VPS50: variants seen among roughly 807,000 people sequenced by gnomAD.
VPS50 encodes syndetin.
In VPS50, 70 loss-of-function variants were observed where a neutral mutation model predicts 139.7. That is an observed-to-expected ratio of 0.50 (90% confidence interval 0.41 to 0.61). The LOEUF (loss-of-function observed/expected upper bound fraction) is 0.61. Ranked by LOEUF, VPS50 falls within the 20% of genes least tolerant of loss-of-function variation. The pLI is 0.00. For synonymous variants in VPS50, 365 were observed against 376.7 expected, an observed-to-expected ratio of 0.97 and a Z score of 0.36; for missense variants, 921 against 1,133.7, an observed-to-expected ratio of 0.81 and a Z score of 2.69.
chr7:93,309,034 A>T, intron 19 of VPS50, 92 bp downstream of exon 19: 1 of 585,040 alleles, frequency 1.7e-6, no homozygotes, highest in Non-Finnish European at 2.9e-6. Flanking sequence ...AACAAAAATT[A>T]TTTTTTTTGG....
At chr7:93,239,836 A>G in intron 1 of VPS50, 30 bp from the exon 2 acceptor site, 1 of 1,332,988 alleles carries the variant, frequency 7.5e-7, no homozygotes, top group Non-Finnish European at 1.1e-6. Context: ...AGCATGATTA[A>G]AATTTTCCTC....
intron 8 of VPS50, 61 bp downstream of exon 8, chr7:93,258,453 C>A: frequency 3.1e-6 from 4 of 1,303,536 alleles, no homozygotes; most frequent in Non-Finnish European, 4.4e-6. Context: ...GTAAAGCAGA[C>A]AAAATTCAGA....
At position 93,278,575 on chromosome 7, in the gene VPS50, C is replaced by T. The variant is rs1041577133; in HGVS notation, c.942+2270C>T. On this transcript the variant is annotated intron_variant, in intron 12 of 27. Transcript: ENST00000305866. The stretch of plus-strand genomic sequence containing the variant: ...TCACACCACTGCACTCCAGCCTGGG[C>T]GACAGACTCTGTCTCAAAAAAAAAA... Among the ~76,000 whole-genome samples, 7 of 126,932 alleles carry T rather than the reference C, an allele frequency of 5.5e-5. No homozygotes were observed. In the South Asian group the frequency reaches 1.2e-3, roughly 22 times the overall value. The allele number at this position is 126,932 out of a possible 152,430, so 83.3% of individuals were successfully genotyped here.
chr7:93,303,774 T>C (rs1289396965), intron 17 of VPS50, among the ~76,000 whole-genome samples: 4 of 151,958 alleles, frequency 2.6e-5, no homozygotes, highest in Admixed American at 2.6e-4. Context: ...TTTACATACT[T>C]TAGGAAATCT....
chr7:93,353,436 C>A (rs1798612690), intron 25 of VPS50, among the ~76,000 whole-genome samples: 1 of 152,190 alleles, frequency 6.6e-6, no homozygotes, highest in South Asian at 2.1e-4. Flanking sequence ...GTACTCTGTA[C>A]TATAACATAA....
chr7:93,295,843 G>A (rs1796793208), intron 14 of VPS50, among the ~76,000 whole-genome samples: 2 of 151,994 alleles, frequency 1.3e-5, no homozygotes, highest in Admixed American at 6.6e-5. Flanking sequence ...TTCTGCCTCA[G>A]CCTCCTGAGT....
intron 25 of VPS50, 131 bp downstream of exon 25, chr7:93,350,164 G>A (rs1562900914): frequency 1.8e-6 from 1 of 541,028 alleles, no homozygotes; most frequent in Non-Finnish European, 3.1e-6. Context: ...TAAAGCCCCT[G>A]AATTGAAATA....
At chr7:93,271,121 T>C (rs1795993229) in intron 9 of VPS50, 99 bp from the exon 10 acceptor site, 1 of 1,476,286 alleles carries the variant, frequency 6.8e-7, no homozygotes, top group South Asian at 1.4e-5. Flanking sequence ...ATACTCTTAA[T>C]CTTTGAATTT....
In VPS50 at chr7:93,327,713, G is replaced by A. The variant is rs544706696; in HGVS notation, c.1977+3981G>A. Among the ~76,000 whole-genome samples, 7 of 152,154 alleles carry A rather than the reference G, an allele frequency of 4.6e-5. No homozygotes were observed. In the Middle Eastern group the frequency reaches 0.01, roughly 222 times the overall value. On this transcript the variant is annotated intron_variant, in intron 21 of 27. Transcript: ENST00000305866. Reference sequence around the variant, plus strand: ...ACTGAAGTGGTAGTTTTTAATTTCCGAAGAGAATAAGCTTTTCAGGCCCAT... The same window carrying A: ...ACTGAAGTGGTAGTTTTTAATTTCCAAAGAGAATAAGCTTTTCAGGCCCAT...
intron 11 of VPS50, chr7:93,273,631 A>C (rs1166137558): frequency 6.6e-6 from 1 of 152,126 alleles, no homozygotes; most frequent in African/African-American, 2.4e-5. Context: ...ATTAAGTCTT[A>C]AATTCCATAA....
At chr7:93,272,182 T>G (rs1268734115) in intron 10 of VPS50, among the ~76,000 whole-genome samples, 1 of 151,844 alleles carries the variant, frequency 6.6e-6, no homozygotes, top group Non-Finnish European at 1.5e-5. Context: ...ATAAAAGAGC[T>G]TAAACCTTGA....
intron 12 of VPS50, among the ~76,000 whole-genome samples, chr7:93,284,482 G>A (rs565850927): frequency 2.0e-5 from 3 of 152,078 alleles, no homozygotes; most frequent in African/African-American, 7.2e-5. Context: ...ACAATTTAAC[G>A]GGTGCTAGTT....
intron 23 of VPS50, among the ~76,000 whole-genome samples, chr7:93,342,636 C>T (rs555576115): frequency 9.2e-5 from 14 of 152,326 alleles, no homozygotes; most frequent in South Asian, 2.1e-4. Context: ...GATCTGAGAA[C>T]GGGCAGACTG....
intron 20 of VPS50, among the ~76,000 whole-genome samples, chr7:93,315,725 T>A (rs1332584949): frequency 6.6e-6 from 1 of 152,216 alleles, no homozygotes; most frequent in Non-Finnish European, 1.5e-5. Context: ...CTTATTCATA[T>A]CCACTGCTCA....
intron 20 of VPS50, among the ~76,000 whole-genome samples, chr7:93,319,185 T>A (rs2117009923): frequency 6.6e-6 from 1 of 152,348 alleles, no homozygotes; most frequent in Admixed American, 6.5e-5. Flanking sequence ...TATAATCAGA[T>A]ATAGTCACAG....
At position 93,360,813 on chromosome 7, in the gene VPS50, G is replaced by T. The variant is rs1247844833; in HGVS notation, c.*2377G>T. 6.6e-6 allele frequency: 1 copy of T among 151,826 alleles called. No individual in the cohort carries two copies. The highest frequency in any genetic ancestry group is 2.4e-5 in the African/African-American group (1 of 41,370). The allele number at this position is 151,826 out of a possible 1,614,324, so 9.4% of individuals were successfully genotyped here. A position where few individuals can be genotyped will look rare whatever the true frequency, so the allele number is the denominator to read the frequency against. On this transcript the variant is annotated 3_prime_UTR_variant, in exon 28 of 28. Coordinates refer to ENST00000305866, the MANE Select transcript of VPS50 (RefSeq NM_017667.4). Reference sequence around the variant, plus strand: ...ATTGTCTTGCATTTAAAAATGCTAGGGGGGCACATAGCAATTCAAATGAAC... The same window carrying T: ...ATTGTCTTGCATTTAAAAATGCTAGTGGGGCACATAGCAATTCAAATGAAC...
At chr7:93,253,135 CTT>C (rs1466188830) in intron 3 of VPS50, among the ~76,000 whole-genome samples, 1 of 152,100 alleles carries the variant, frequency 6.6e-6, no homozygotes, top group Non-Finnish European at 1.5e-5. Flanking sequence ...GATAAAAATT[CTT>C]ATGCCATAGT....
intron 20 of VPS50, among the ~76,000 whole-genome samples, chr7:93,321,374 G>A (rs891730330): frequency 2.6e-5 from 4 of 152,106 alleles, no homozygotes; most frequent in African/African-American, 7.2e-5. Context: ...AGGCATATAA[G>A]CCTCCTCAAG....
At chr7:93,253,066 G>A (rs760957838) in intron 3 of VPS50, among the ~76,000 whole-genome samples, 35 of 152,130 alleles carry the variant, frequency 2.3e-4, no homozygotes, top group Non-Finnish European at 4.0e-4. Context: ...TAGTATCTAT[G>A]TTTAGAGAAG....
Sources: allele counts gnomAD v4.1 joint callset (sites outside exome capture counted in the v4.1 genomes callset), GRCh38; gene constraint gnomAD v4.1.1; transcripts MANE v1.5; gene names NCBI Gene and HGNC (gene_info 2026-07-23, HGNC 2026-07-21).